TAFA1: variants seen among roughly 807,000 people sequenced by gnomAD.
TAFA1 encodes TAFA chemokine like family member 1.
TAFA1 carries 4 observed loss-of-function variants against 18.5 expected under a neutral mutation model. That is an observed-to-expected ratio of 0.22 (90% confidence interval 0.11 to 0.49). TAFA1 has a LOEUF of 0.49. Among genes scored for constraint, TAFA1 ranks in the 20% least tolerant of loss-of-function variants. The pLI is 0.98. For missense variants in TAFA1, 147 were observed against 169.0 expected (o/e 0.87, Z 0.72); for synonymous variants, 56 against 55.2 (o/e 1.01, Z -0.06).
At position 68,006,733 on chromosome 3, in the gene TAFA1, T is replaced by A; in HGVS notation, c.107T>A (p.Leu36Gln). Residue 36 changes from leucine (L) to glutamine (Q), a missense_variant, in exon 2 of 5, where the codon CTG becomes CAG. Transcript: ENST00000478136. Reference sequence around the variant, plus strand: ...CAGCACACTTTCCAGCAGCATCACCTGCACAGACCAGGTAAGTCAGGAGCT... The same window carrying A: ...CAGCACACTTTCCAGCAGCATCACCAGCACAGACCAGGTAAGTCAGGAGCT... ...SLQHTFQQHH[L>Q]HRPEGGTCEV... The A allele has an allele frequency of 6.2e-7, 1 of 1,613,254 alleles. No homozygotes were observed. Among genetic ancestry groups the A allele is most frequent in the South Asian group, 1.1e-5 (1 of 91,070 alleles).
intron 2 of TAFA1, among the ~76,000 whole-genome samples, chr3:68,138,316 C>T (rs2065631292): frequency 6.6e-6 from 1 of 152,122 alleles, no homozygotes; most frequent in Non-Finnish European, 1.5e-5. Flanking sequence ...GGTGCCTCAC[C>T]ACGAGAAACA....
intron 2 of TAFA1, among the ~76,000 whole-genome samples, chr3:68,255,457 T>A (rs2067279326): frequency 6.6e-6 from 1 of 152,124 alleles, no homozygotes; most frequent in South Asian, 2.1e-4. Flanking sequence ...GAACTTTTTT[T>A]AAGGTCTTAG....
chr3:68,021,219 T>C (rs1227208192), intron 2 of TAFA1, among the ~76,000 whole-genome samples: 1 of 139,936 alleles, frequency 7.1e-6, no homozygotes, highest in Admixed American at 7.5e-5. Flanking sequence ...AAAAGTAGTT[T>C]AGTGGTGTCT....
At chr3:68,187,733 T>C (rs907330330) in intron 2 of TAFA1, among the ~76,000 whole-genome samples, 1 of 151,980 alleles carries the variant, frequency 6.6e-6, no homozygotes, top group Admixed American at 6.6e-5. Context: ...TAGTAGAAAA[T>C]GCCAAGCAGT....
intron 3 of TAFA1, among the ~76,000 whole-genome samples, chr3:68,506,898 A>T (rs536190914): frequency 3.9e-4 from 59 of 152,228 alleles, no homozygotes; most frequent in African/African-American, 1.3e-3. Flanking sequence ...TACATATTGT[A>T]TGGCAATAGA....
intron 2 of TAFA1, among the ~76,000 whole-genome samples, chr3:68,303,615 A>T (rs950817694): frequency 1.3e-5 from 2 of 151,768 alleles, no homozygotes; most frequent in East Asian, 1.9e-4. Flanking sequence ...CGTCCAGCTA[A>T]TTTTTTTGTA....
intron 3 of TAFA1, among the ~76,000 whole-genome samples, chr3:68,447,976 G>T (rs531063480): frequency 6.6e-6 from 1 of 152,178 alleles, no homozygotes; most frequent in Non-Finnish European, 1.5e-5. Context: ...AAGCACCAAG[G>T]TTAAATAATT....
At chr3:68,486,488 A>G (rs906648903) in intron 3 of TAFA1, among the ~76,000 whole-genome samples, 22 of 152,120 alleles carry the variant, frequency 1.4e-4, no homozygotes, top group Non-Finnish European at 3.1e-4. Flanking sequence ...TTTGAACACA[A>G]ACAGAAATGG....
intron 2 of TAFA1, among the ~76,000 whole-genome samples, chr3:68,358,039 G>A (rs527842349): frequency 6.6e-6 from 1 of 152,000 alleles, no homozygotes; most frequent in African/African-American, 2.4e-5. Context: ...TGGATTATCA[G>A]CAGATTGTTT....
chr3:68,268,983 C>T (rs2067605083), intron 2 of TAFA1, among the ~76,000 whole-genome samples: 1 of 152,084 alleles, frequency 6.6e-6, no homozygotes, highest in South Asian at 2.1e-4. Context: ...TTTCCTTACC[C>T]AACTCTTCCC....
chr3:68,514,166 C>G (rs1214334056), intron 3 of TAFA1, among the ~76,000 whole-genome samples: 1 of 152,262 alleles, frequency 6.6e-6, no homozygotes, highest in Middle Eastern at 3.4e-3. Context: ...AACACTATCA[C>G]TTTGGAGGTT....
At chr3:68,191,459 G>A (rs966124998) in intron 2 of TAFA1, among the ~76,000 whole-genome samples, 9 of 151,782 alleles carry the variant, frequency 5.9e-5, no homozygotes, top group Admixed American at 4.6e-4. Flanking sequence ...GAAGCTTGTG[G>A]CACACTAACG....
the TAFA1 span, among the ~76,000 whole-genome samples, chr3:67,996,525 G>T: frequency 2.4e-4 from 36 of 152,268 alleles, no homozygotes; most frequent in African/African-American, 8.4e-4. Context: ...ATGGCTGCGT[G>T]TGGTGAGTCA....
intron 4 of TAFA1, among the ~76,000 whole-genome samples, chr3:68,541,115 G>C (rs1042166892): frequency 1.3e-5 from 2 of 152,168 alleles, no homozygotes; most frequent in African/African-American, 4.8e-5. Context: ...GAAATAGGAG[G>C]CCACTCTACA....
chr3:68,482,986 G>T (rs2072266377), intron 3 of TAFA1, among the ~76,000 whole-genome samples: 1 of 152,212 alleles, frequency 6.6e-6, no homozygotes, highest in Admixed American at 6.5e-5. Flanking sequence ...TCTTAAGCCA[G>T]TTGGGGTCAG....
intron 2 of TAFA1, among the ~76,000 whole-genome samples, chr3:68,174,336 A>T (rs530468170): frequency 6.6e-6 from 1 of 152,228 alleles, no homozygotes; most frequent in East Asian, 1.9e-4. Flanking sequence ...AGTGGGAGGT[A>T]ACTGAATCAT....
At chr3:68,332,074 C>T (rs958088802) in intron 2 of TAFA1, among the ~76,000 whole-genome samples, 11 of 151,216 alleles carry the variant, frequency 7.3e-5, no homozygotes, top group East Asian at 1.9e-4. Context: ...CGTGTTAACC[C>T]GGATGGTCTC....
chr3:68,147,544 AG>A (rs776987404), intron 2 of TAFA1, among the ~76,000 whole-genome samples: 2 of 152,044 alleles, frequency 1.3e-5, no homozygotes, highest in Non-Finnish European at 2.9e-5. Flanking sequence ...TGTCTCCTCT[AG>A]TGGCCCCACC....
intron 2 of TAFA1, among the ~76,000 whole-genome samples, chr3:68,256,618 GT>G (rs1353896281): frequency 7.2e-5 from 11 of 152,078 alleles, no homozygotes; most frequent in African/African-American, 2.7e-4. Flanking sequence ...ACATAGTCTT[GT>G]ACATAGTTTA....
Sources: allele counts gnomAD v4.1 joint callset (sites outside exome capture counted in the v4.1 genomes callset), GRCh38; gene constraint gnomAD v4.1.1; transcripts MANE v1.5; gene names NCBI Gene and HGNC (gene_info 2026-07-23, HGNC 2026-07-21).